DIAPH3: variants seen among roughly 807,000 people sequenced by gnomAD.
The protein encoded by DIAPH3 is diaphanous related formin 3, also known as protein diaphanous homolog 3.
Under a neutral mutation model 144.3 loss-of-function variants are expected in DIAPH3, and 117 were observed. The observed-to-expected ratio is 0.81, with a 90% CI of 0.70 to 0.95. DIAPH3 has a LOEUF of 0.95. DIAPH3 is among the 40% of genes least tolerant of loss of function. The pLI is 0.00. For missense variants in DIAPH3, 1,421 were observed against 1,412.7 expected (o/e 1.01, Z -0.09); for synonymous variants, 519 against 488.9 (o/e 1.06, Z -0.81).
intron 27 of DIAPH3, among the ~76,000 whole-genome samples, chr13:59,729,594 T>C (rs2874821): frequency 2.6e-5 from 4 of 151,958 alleles, no homozygotes; most frequent in Non-Finnish European, 2.9e-5. Flanking sequence ...TAGTTATTTA[T>C]ACGTGTGATA....
chr13:59,756,440 G>A (rs866690471), intron 27 of DIAPH3, among the ~76,000 whole-genome samples: 3 of 126,450 alleles, frequency 2.4e-5, no homozygotes, highest in African/African-American at 7.0e-5. Context: ...AAGGAAGGAA[G>A]GAAAGAAGGA....
At chr13:59,857,270 T>C (rs1478868258) in intron 22 of DIAPH3, among the ~76,000 whole-genome samples, 1 of 152,118 alleles carries the variant, frequency 6.6e-6, no homozygotes, top group East Asian at 1.9e-4. Context: ...GTGTTCTAAG[T>C]GCTCACAGTA....
In DIAPH3 at chr13:59,681,319, A is replaced by G. The variant is rs190858044; in HGVS notation, c.3320-14473T>C. On this transcript the variant is annotated intron_variant, in intron 27 of 27. Transcript: ENST00000400324. ...GACTCCGTCTCTACAAAAAATTAAGAGAAATAATTAGCCAGGGCATGGTGG... is the reference window on the plus strand; with the variant it reads ...GACTCCGTCTCTACAAAAAATTAAGGGAAATAATTAGCCAGGGCATGGTGG... 4.6e-5 allele frequency among the ~76,000 whole-genome samples: 7 copies of G among 152,258 alleles called. No homozygotes were observed. In the East Asian group the frequency reaches 1.4e-3, roughly 29 times the overall value.
chr13:59,934,218 C>G (rs577225325), intron 17 of DIAPH3, among the ~76,000 whole-genome samples: 1 of 152,080 alleles, frequency 6.6e-6, no homozygotes, highest in East Asian at 1.9e-4. Flanking sequence ...GTTGGTGCTC[C>G]CTGGTTAAAT....
Position 59,775,512 on chromosome 13 carries a change from G to A in DIAPH3, c.3164-689C>T, listed in dbSNP as rs149956457. On this transcript the variant is annotated intron_variant, in intron 25 of 27. Transcript: ENST00000400324. ...CCGCCTCAGACTACCAAAGTGTTGG[G>A]ATTACAGGCGTGAGCCACTGCACAC... Among the ~76,000 whole-genome samples the A allele has an allele frequency of 3.3e-3, 498 of 152,310 alleles. 13 individuals carry two copies. The East Asian group carries it at 0.045, about 14-fold the overall frequency.
intron 2 of DIAPH3, among the ~76,000 whole-genome samples, chr13:60,128,454 T>C (rs1462428213): frequency 1.3e-5 from 2 of 152,278 alleles, no homozygotes; most frequent in Middle Eastern, 3.4e-3. Flanking sequence ...TCATACCTCA[T>C]TTTTTGAAAG....
At chr13:59,990,539 C>T (rs1454682047) in intron 12 of DIAPH3, among the ~76,000 whole-genome samples, 1 of 151,832 alleles carries the variant, frequency 6.6e-6, no homozygotes, top group South Asian at 2.1e-4. Context: ...ACACCATATG[C>T]CAAGGGTTTG....
chr13:59,791,890 C>G (rs2039345643), intron 25 of DIAPH3, among the ~76,000 whole-genome samples: 1 of 152,198 alleles, frequency 6.6e-6, no homozygotes, highest in Admixed American at 6.5e-5. Context: ...TTACTTCAAT[C>G]TGCCATGGCC....
chr13:59,970,716 G>A (rs2050315936), intron 16 of DIAPH3, 136 bp downstream of exon 16: 1 of 769,874 alleles, frequency 1.3e-6, no homozygotes, highest in East Asian at 2.9e-5. Context: ...ACTTTGATTA[G>A]TGACATTAGA....
chr13:59,833,206 C>A lies in DIAPH3; in HGVS notation c.2928G>T (p.Lys976Asn). Residue 976 changes from lysine to asparagine, a missense_variant, in exon 24 of 28, where the codon AAG becomes AAT. Transcript: ENST00000400324. ...AGTATCCTATTATACTCTGGTATAA[C>A]TTTTCCATGTTTTCGTGTAACTTCG... ...TLSKLHENME[K>N]LYQSIIGYYA... The A allele has an allele frequency of 6.2e-7, 1 of 1,610,020 alleles. No individual in the cohort carries two copies.
At chr13:60,062,004 C>G (rs2056793642) in intron 4 of DIAPH3, among the ~76,000 whole-genome samples, 1 of 152,096 alleles carries the variant, frequency 6.6e-6, no homozygotes, top group Non-Finnish European at 1.5e-5. Flanking sequence ...AACAAAACCT[C>G]TTCTAACCCC....
chr13:60,050,393 G>A (rs2056280548), intron 4 of DIAPH3, among the ~76,000 whole-genome samples: 2 of 152,184 alleles, frequency 1.3e-5, no homozygotes. Context: ...CAGATGACAA[G>A]GACAGACAGA....
intron 9 of DIAPH3, among the ~76,000 whole-genome samples, chr13:59,993,678 A>G (rs866576860): frequency 1.4e-5 from 2 of 145,562 alleles, no homozygotes; most frequent in South Asian, 2.3e-4. Context: ...ATGTCAGAAG[A>G]GAGAGGAAGA....
At chr13:59,932,169 G>A (rs890363223) in intron 17 of DIAPH3, among the ~76,000 whole-genome samples, 2 of 151,948 alleles carry the variant, frequency 1.3e-5, no homozygotes, top group Admixed American at 6.6e-5. Context: ...TTATTCTTAA[G>A]AGCAGACTGT....
chr13:59,854,764 A>C (rs2043169148), intron 22 of DIAPH3, among the ~76,000 whole-genome samples: 1 of 152,210 alleles, frequency 6.6e-6, no homozygotes. Flanking sequence ...TGACACTGAC[A>C]GAACTGCTCA....
At chr13:59,983,040 T>C (rs1289710589) in intron 13 of DIAPH3, among the ~76,000 whole-genome samples, 1 of 150,916 alleles carries the variant, frequency 6.6e-6, no homozygotes, top group African/African-American at 2.4e-5. Flanking sequence ...TCTTTGAAGT[T>C]ATAGGCTCAC....
chr13:59,981,855 T>C (rs1369209271), intron 13 of DIAPH3, among the ~76,000 whole-genome samples: 1 of 151,534 alleles, frequency 6.6e-6, no homozygotes, highest in Non-Finnish European at 1.5e-5. Context: ...TTTCTTGATT[T>C]ATCTATTTAA....
chr13:59,808,658 C>T (rs997927160), intron 25 of DIAPH3, among the ~76,000 whole-genome samples: 1 of 152,040 alleles, frequency 6.6e-6, no homozygotes, highest in African/African-American at 2.4e-5. Context: ...GACTTCATTA[C>T]TGACTAATGC....
At chr13:59,746,724 T>G (rs2139085569) in intron 27 of DIAPH3, among the ~76,000 whole-genome samples, 1 of 152,316 alleles carries the variant, frequency 6.6e-6, no homozygotes, top group East Asian at 1.9e-4. Context: ...AAATTCTGAT[T>G]CAGTAAGTCT....
Sources: allele counts gnomAD v4.1 joint callset (sites outside exome capture counted in the v4.1 genomes callset), GRCh38; gene constraint gnomAD v4.1.1; transcripts MANE v1.5; gene names NCBI Gene and HGNC (gene_info 2026-07-23, HGNC 2026-07-21).